ZC3H3: variants seen among roughly 807,000 people sequenced by gnomAD.
ZC3H3 encodes the protein zinc finger CCCH-type containing 3.
Under a neutral mutation model 77.3 loss-of-function variants are expected in ZC3H3, and 36 were observed. The ratio of observed to expected loss-of-function variants is 0.47; its 90% CI spans 0.36 to 0.61. The LOEUF is 0.61. Among genes scored for constraint, ZC3H3 ranks in the 20% least tolerant of loss-of-function variants. The probability of loss-of-function intolerance (pLI) is 0.00; values close to 1 mark genes in which losing one functional copy is unlikely to be tolerated. For synonymous variants in ZC3H3, 626 were observed against 555.2 expected (o/e 1.13, Z -1.79); for missense variants, 1,331 against 1,312.2 (o/e 1.01, Z -0.22).
At chr8:143,477,362 C>T (rs1194065788) in intron 4 of ZC3H3, among the ~76,000 whole-genome samples, 1 of 152,164 alleles carries the variant, frequency 6.6e-6, no homozygotes, top group Non-Finnish European at 1.5e-5. Flanking sequence ...TCTGCTGGCC[C>T]CCACCTCCCA....
At chr8:143,511,317 G>A (rs1220490772) in intron 3 of ZC3H3, among the ~76,000 whole-genome samples, 2 of 152,198 alleles carry the variant, frequency 1.3e-5, no homozygotes. Flanking sequence ...CAACACAGAT[G>A]GCTGGTCTGA....
chr8:143,439,965 T>G, intron 11 of ZC3H3, 76 bp downstream of exon 11: 3 of 1,286,640 alleles, frequency 2.3e-6, no homozygotes, highest in Non-Finnish European at 3.0e-6. Flanking sequence ...CCTGGGGGCC[T>G]GAGCCAGGCC....
In ZC3H3 at chr8:143,507,835, A is replaced by T. The variant is rs1182885602; in HGVS notation, c.1626T>A (p.Ile542=). The T allele has an allele frequency of 6.2e-7, 1 of 1,610,184 alleles. No individual in the cohort carries two copies. Among genetic ancestry groups the T allele is most frequent in the Non-Finnish European group, 8.5e-7 (1 of 1,178,730 alleles). ...TSKVIKTRYR[I]VKKTPASPLS... is the part of the protein sequence containing the mutation. ...GAGGCGAGGCCGGCGTCTTCTTGACAATGCGGTAGCGGGTCTTGATCACCT... is the reference window on the plus strand; with the variant it reads ...GAGGCGAGGCCGGCGTCTTCTTGACTATGCGGTAGCGGGTCTTGATCACCT... The change falls in exon 4 of 12, where the codon ATT becomes ATA. Residue 542 remains isoleucine, a synonymous_variant. Coordinates refer to ENST00000262577, the MANE Select transcript of ZC3H3 (RefSeq NM_015117.3).
At chr8:143,463,489 G>T (rs1201039743) in intron 9 of ZC3H3, among the ~76,000 whole-genome samples, 1 of 152,202 alleles carries the variant, frequency 6.6e-6, no homozygotes, top group Non-Finnish European at 1.5e-5. Context: ...ACAAACAGGC[G>T]AGCGGTGAGC....
At chr8:143,525,200 C>T (rs900589595) in intron 3 of ZC3H3, among the ~76,000 whole-genome samples, 5 of 152,228 alleles carry the variant, frequency 3.3e-5, no homozygotes, top group South Asian at 2.1e-4. Context: ...CTCCCAGCAG[C>T]GCTCGGCCTG....
At chr8:143,517,208 G>A (rs1490136718) in intron 3 of ZC3H3, among the ~76,000 whole-genome samples, 3 of 152,230 alleles carry the variant, frequency 2.0e-5, no homozygotes, top group Non-Finnish European at 2.9e-5. Context: ...TATGAAATGG[G>A]AATAGTTTGC....
intron 2 of ZC3H3, among the ~76,000 whole-genome samples, chr8:143,537,506 G>T (rs1489232206): frequency 6.6e-6 from 1 of 152,232 alleles, no homozygotes; most frequent in East Asian, 1.9e-4. Context: ...GGGGCATGCA[G>T]GAAAGACCAG....
chr8:143,522,241 GC>G (rs1377571294), intron 3 of ZC3H3, among the ~76,000 whole-genome samples: 1 of 152,184 alleles, frequency 6.6e-6, no homozygotes, highest in East Asian at 1.9e-4. Context: ...AACCCTGTGG[GC>G]CACAGCACCT....
chr8:143,524,764 A>G (rs1563879375), intron 3 of ZC3H3, among the ~76,000 whole-genome samples: 1 of 152,224 alleles, frequency 6.6e-6, no homozygotes, highest in Non-Finnish European at 1.5e-5. Flanking sequence ...GGGGAACAAG[A>G]GGAATAGGGA....
chr8:143,438,161 C>A, intron 11 of ZC3H3, 74 bp from the exon 12 acceptor site: 1 of 1,554,912 alleles, frequency 6.4e-7, no homozygotes, highest in South Asian at 1.2e-5. Flanking sequence ...AGCTCCTGAT[C>A]GGGCTCAGGA....
At position 143,538,638 on chromosome 8, in the gene ZC3H3, C is replaced by G; in HGVS notation, c.729G>C (p.Leu243=). The change falls in exon 2 of 12, where the codon CTG becomes CTC. Residue 243 remains leucine, a synonymous_variant. Coordinates refer to ENST00000262577, the MANE Select transcript of ZC3H3 (RefSeq NM_015117.3). ...SALPPRTGVA[L]GRKLGSHSVA... ...CGGAATGAGAACCCAGCTTCCGGCC[C>G]AGGGCCACGCCAGTGCGTGGGGGCA... 6.2e-7 allele frequency: 1 copy of G among 1,608,934 alleles called. No individual in the cohort carries two copies. The highest frequency in any genetic ancestry group is 1.3e-5 in the African/African-American group (1 of 75,074).
At chr8:143,456,352 G>A (rs751776276) in intron 9 of ZC3H3, among the ~76,000 whole-genome samples, 4 of 152,106 alleles carry the variant, frequency 2.6e-5, no homozygotes, top group Non-Finnish European at 4.4e-5. Context: ...TCAACTAAAA[G>A]ACAGAGATTG....
chr8:143,497,537 C>G (rs962208489), intron 4 of ZC3H3, among the ~76,000 whole-genome samples: 1 of 152,236 alleles, frequency 6.6e-6, no homozygotes, highest in African/African-American at 2.4e-5. Flanking sequence ...TGCCCCTGTC[C>G]CATCCTGGCA....
chr8:143,531,033 C>G (rs968956372), intron 3 of ZC3H3, among the ~76,000 whole-genome samples: 66 of 149,958 alleles, frequency 4.4e-4, no homozygotes, highest in African/African-American at 1.3e-3. Context: ...GATCATGGCT[C>G]ACTAGAGCCT....
At chr8:143,528,659 C>T (rs184600981) in intron 3 of ZC3H3, among the ~76,000 whole-genome samples, 1 of 152,344 alleles carries the variant, frequency 6.6e-6, no homozygotes, top group East Asian at 1.9e-4. Context: ...GGCAGGACAG[C>T]GTCAGGGCAG....
At position 143,505,288 on chromosome 8, in the gene ZC3H3, G is replaced by A. The variant is rs139730384; in HGVS notation, c.1715+2458C>T. On this transcript the variant is annotated intron_variant, in intron 4 of 11. Transcript: ENST00000262577. Reference sequence around the variant, plus strand: ...TAGTCCATGGTGGCCTGGGCCTGCCGAGGGAGGGCTGAGGGTCCAGCCACA... The same window carrying A: ...TAGTCCATGGTGGCCTGGGCCTGCCAAGGGAGGGCTGAGGGTCCAGCCACA... 4.5e-4 allele frequency among the ~76,000 whole-genome samples: 69 copies of A among 152,350 alleles called. 1 individual carries two copies. The highest frequency in any genetic ancestry group is 1.6e-3 in the African/African-American group (65 of 41,592).
chr8:143,476,670 A>G (rs1820744307), intron 4 of ZC3H3, among the ~76,000 whole-genome samples: 1 of 152,252 alleles, frequency 6.6e-6, no homozygotes, highest in Non-Finnish European at 1.5e-5. Context: ...ACCCCCAGCA[A>G]ATCTGGGCAA....
Position 143,507,918 on chromosome 8 carries a change from G to T in ZC3H3, c.1562-19C>A. 6.4e-7 allele frequency: 1 copy of T among 1,566,564 alleles called. No individual in the cohort carries two copies. The highest frequency in any genetic ancestry group is 8.7e-7 in the Non-Finnish European group (1 of 1,150,308). ...CTGGACGCTGTAGAGAAAACCCAGG[G>T]CACAGACATGGGTCAGGGAAGGCCG... On this transcript the variant is annotated intron_variant, in intron 3 of 11. Transcript: ENST00000262577.
intron 9 of ZC3H3, among the ~76,000 whole-genome samples, chr8:143,447,036 C>T (rs1274981605): frequency 6.6e-6 from 1 of 152,240 alleles, no homozygotes; most frequent in Non-Finnish European, 1.5e-5. Context: ...ATGAAGGGCA[C>T]AGGGACTGGG....
Sources: allele counts gnomAD v4.1 joint callset (sites outside exome capture counted in the v4.1 genomes callset), GRCh38; gene constraint gnomAD v4.1.1; transcripts MANE v1.5; gene names NCBI Gene and HGNC (gene_info 2026-07-23, HGNC 2026-07-21).